Variants in ANKRD33B observed in about 807,000 individuals in gnomAD.
ANKRD33B encodes ankyrin repeat domain-containing protein 33B.
Under a neutral mutation model 21.5 loss-of-function variants are expected in ANKRD33B, and 6 were observed. That is an observed-to-expected ratio of 0.28 (90% CI 0.15 to 0.55). The LOEUF (loss-of-function observed/expected upper bound fraction) is 0.55, where lower values mean the gene tolerates loss of function less well. Among genes scored for constraint, ANKRD33B ranks in the 20% least tolerant of loss-of-function variants. ANKRD33B has a pLI of 0.94. For synonymous variants in ANKRD33B, 347 were observed against 342.4 expected (o/e 1.01, Z -0.15); for missense variants, 698 against 747.2 (o/e 0.93, Z 0.77).
intron 1 of ANKRD33B, among the ~76,000 whole-genome samples, chr5:10,570,585 TCTCA>T (rs1210541737): frequency 9.9e-5 from 15 of 152,080 alleles, no homozygotes; most frequent in African/African-American, 3.6e-4. Context: ...TGAGATAGAG[TCTCA>T]CTCTGTTGCC....
At chr5:10,599,849 A>T (rs866681609) in intron 1 of ANKRD33B, among the ~76,000 whole-genome samples, 10 of 152,216 alleles carry the variant, frequency 6.6e-5, no homozygotes, top group Non-Finnish European at 1.2e-4. Flanking sequence ...GCATATACCT[A>T]GGAGTGGAAT....
intron 1 of ANKRD33B, among the ~76,000 whole-genome samples, chr5:10,566,254 A>G (rs1735054179): frequency 6.6e-6 from 1 of 152,152 alleles, no homozygotes; most frequent in African/African-American, 2.4e-5. Context: ...TCCTGCTGCC[A>G]TTCCTCTTGC....
chr5:10,620,117 C>T (rs368529998), intron 2 of ANKRD33B, among the ~76,000 whole-genome samples: 1 of 152,084 alleles, frequency 6.6e-6, no homozygotes, highest in South Asian at 2.1e-4. Context: ...ATTTCAGTAG[C>T]GTGAGGCTGC....
chr5:10,614,797 G>T (rs1159374174), intron 1 of ANKRD33B, among the ~76,000 whole-genome samples: 1 of 151,930 alleles, frequency 6.6e-6, no homozygotes, highest in Non-Finnish European at 1.5e-5. Flanking sequence ...TGAGGCAGGA[G>T]AATTGCTTGA....
chr5:10,640,386 TGCA>T (rs1335232295), intron 3 of ANKRD33B, among the ~76,000 whole-genome samples: 1 of 152,152 alleles, frequency 6.6e-6, no homozygotes, highest in Non-Finnish European at 1.5e-5. Context: ...GAGGCTAAAA[TGCA>T]ACAATACTTT....
At chr5:10,649,072 C>T (rs1310526089) in intron 3 of ANKRD33B, among the ~76,000 whole-genome samples, 194 bp from the exon 4 acceptor site, 2 of 151,144 alleles carry the variant, frequency 1.3e-5, no homozygotes, top group East Asian at 3.9e-4. Context: ...GTGTTCCCGC[C>T]ACTGCACTCC....
intron 3 of ANKRD33B, among the ~76,000 whole-genome samples, chr5:10,647,938 G>A (rs754317337): frequency 6.6e-6 from 1 of 152,212 alleles, no homozygotes; most frequent in African/African-American, 2.4e-5. Context: ...TTAGATCCAT[G>A]TTTGATTAAA....
At chr5:10,579,905 A>C (rs1016380248) in intron 1 of ANKRD33B, among the ~76,000 whole-genome samples, 3 of 152,204 alleles carry the variant, frequency 2.0e-5, no homozygotes, top group Admixed American at 2.0e-4. Flanking sequence ...AGATTTGTAC[A>C]ATTATCCCCA....
chr5:10,574,578 C>A (rs1341691002), intron 1 of ANKRD33B, among the ~76,000 whole-genome samples: 1 of 151,948 alleles, frequency 6.6e-6, no homozygotes, highest in Non-Finnish European at 1.5e-5. Flanking sequence ...AAGAAATAAT[C>A]AAATGAAAAG....
intron 2 of ANKRD33B, among the ~76,000 whole-genome samples, chr5:10,622,962 G>A (rs1736456325): frequency 6.6e-6 from 1 of 152,292 alleles, no homozygotes; most frequent in Non-Finnish European, 1.5e-5. Flanking sequence ...TTTCCATCCA[G>A]GCTCAGTGCC....
chr5:10,574,221 ATTTC>A (rs1560960327), intron 1 of ANKRD33B, among the ~76,000 whole-genome samples: 2 of 152,236 alleles, frequency 1.3e-5, no homozygotes, highest in African/African-American at 4.8e-5. Flanking sequence ...TTTTCTACAT[ATTTC>A]TTTCAATTAA....
intron 1 of ANKRD33B, among the ~76,000 whole-genome samples, chr5:10,590,607 C>CGTGT (rs796913943): frequency 1.2e-5 from 1 of 84,400 alleles, no homozygotes; most frequent in African/African-American, 5.1e-5. Context: ...CGCGCGCGCG[C>CGTGT]GTGTGTGTGT....
intron 1 of ANKRD33B, among the ~76,000 whole-genome samples, chr5:10,583,980 C>T (rs1040116145): frequency 1.3e-5 from 2 of 152,178 alleles, no homozygotes; most frequent in Non-Finnish European, 2.9e-5. Flanking sequence ...CTCCGAAGAT[C>T]ACAGTCGGTC....
intron 3 of ANKRD33B, among the ~76,000 whole-genome samples, chr5:10,640,740 T>C (rs1737032206): frequency 6.6e-6 from 1 of 152,254 alleles, no homozygotes; most frequent in African/African-American, 2.4e-5. Context: ...TCTGTCTTAG[T>C]TGTTCTGCTG....
At chr5:10,622,205 C>G (rs1030954066) in intron 2 of ANKRD33B, among the ~76,000 whole-genome samples, 1 of 152,200 alleles carries the variant, frequency 6.6e-6, no homozygotes, top group African/African-American at 2.4e-5. Context: ...TGTGGAGCAG[C>G]CTAGGAACTG....
intron 1 of ANKRD33B, among the ~76,000 whole-genome samples, chr5:10,593,953 G>C (rs930822999): frequency 6.6e-6 from 1 of 152,158 alleles, no homozygotes; most frequent in East Asian, 1.9e-4. Flanking sequence ...TGGTCCCGTG[G>C]CAAGGCAGAA....
In ANKRD33B at chr5:10,649,556, C is replaced by T. The variant is rs1224688238; in HGVS notation, c.928C>T (p.Arg310Trp). 2.6e-6 allele frequency: 4 copies of T among 1,526,218 alleles called. No homozygotes were observed. Among genetic ancestry groups the T allele is most frequent in the East Asian group, 2.5e-5 (1 of 40,694 alleles). 94.5% of individuals were successfully genotyped at this position (1,526,218 alleles called of 1,614,324 possible). ...CGGGGGCGTCCTGGACCACATGGTC[C>T]GGATGACCACGAGCCTCTACAGCCC... ...EDGGVLDHMV[R>W]MTTSLYSPAV... The change falls in exon 4 of 4, where the codon CGG becomes TGG. Residue 310 changes from arginine (R) to tryptophan (W), a missense_variant. Arg to Trp is a moderately radical substitution (Grantham distance 101, BLOSUM62 -3). Transcript: ENST00000296657.
chr5:10,605,384 T>C (rs958530705), intron 1 of ANKRD33B, among the ~76,000 whole-genome samples: 1 of 152,198 alleles, frequency 6.6e-6, no homozygotes, highest in Non-Finnish European at 1.5e-5. Flanking sequence ...TGGTTGTGAA[T>C]ATTAGAAGTA....
intron 3 of ANKRD33B, among the ~76,000 whole-genome samples, chr5:10,647,414 A>G (rs1007107469): frequency 6.6e-5 from 10 of 152,320 alleles, no homozygotes; most frequent in African/African-American, 2.2e-4. Context: ...TGGCCCCTCA[A>G]TGATTTTTAA....
Sources: gnomAD v4.1 joint callset for allele counts (sites outside exome capture counted in the v4.1 genomes callset) on GRCh38, gnomAD v4.1.1 for gene constraint, MANE v1.5 for transcripts, NCBI Gene and HGNC (gene_info 2026-07-23, HGNC 2026-07-21) for gene names.